The following LTB4R variants were observed in gnomAD, a reference collection of about 807,000 sequenced individuals.
The protein encoded by LTB4R is leukotriene B4 receptor.
For synonymous variants in LTB4R, 250 were observed against 230.7 expected (o/e 1.08, Z -0.76); for missense variants, 470 against 485.6 (o/e 0.97, Z 0.30).
rs752448394 is a variant in LTB4R, at chr14:24,311,646, C to T, written c.-174C>T. 3.1e-6 allele frequency: 5 copies of T among 1,613,114 alleles called. No individual in the cohort carries two copies. The highest frequency in any genetic ancestry group is 2.7e-5 in the African/African-American group (2 of 74,914). On this transcript the variant is annotated 5_prime_UTR_variant, in exon 1 of 2. The change creates a premature stop within an existing upstream ORF in the 5' untranslated region. Transcript: ENST00000345363. ...CTCTAGGGAAGGGACCATGGAGCTC[C>T]GAACTACCCCTCAGCTGAAAGTGGT...
At chr14:24,315,005 C>G (rs2041756028) in intron 1 of LTB4R, 1 of 153,240 alleles carries the variant, frequency 6.5e-6, no homozygotes, top group Non-Finnish European at 1.5e-5. Context: ...CAACCAGTTC[C>G]TGCCAAAGCT....
chr14:24,316,128 G>A lies in LTB4R; in HGVS notation c.477G>A (p.Val159=), dbSNP rs763467091. ...CCGTCCTCGCGTACCGCACAGTAGT[G>A]CCCTGGAAAACGAACATGAGCCTGT... ...ATPVLAYRTV[V]PWKTNMSLCF... Residue 159 remains valine (V), a synonymous_variant, in exon 2 of 2, where the codon GTG becomes GTA. Coordinates refer to ENST00000345363, the MANE Select transcript of LTB4R (RefSeq NM_001143919.3). 5 of 1,613,822 alleles carry A rather than the reference G, an allele frequency of 3.1e-6. No individual in the cohort carries two copies. Among genetic ancestry groups the A allele is most frequent in the Admixed American group, 3.3e-5 (2 of 60,034 alleles).
In LTB4R at chr14:24,311,506, C is replaced by G. The variant is rs1385952122; in HGVS notation, c.-314C>G. On this transcript the variant is annotated 5_prime_UTR_variant, in exon 1 of 2. Transcript: ENST00000345363. Reference sequence around the variant, plus strand: ...ACTACGGCCTTGGCCTTCTTCAGTTCTAGCGTCAACCCGGTGCTCTACGTC... The same window carrying G: ...ACTACGGCCTTGGCCTTCTTCAGTTGTAGCGTCAACCCGGTGCTCTACGTC... 5 of 1,602,464 alleles carry G rather than the reference C, an allele frequency of 3.1e-6. No homozygotes were observed. Among genetic ancestry groups the G allele is most frequent in the Non-Finnish European group, 4.2e-6 (5 of 1,179,986 alleles).
chr14:24,315,304 T>C (rs1234214547), intron 1 of LTB4R, among the ~76,000 whole-genome samples: 2 of 152,070 alleles, frequency 1.3e-5, no homozygotes, highest in African/African-American at 4.8e-5. Context: ...GCAGCATTGG[T>C]AGGAACTCTG....
In LTB4R at chr14:24,316,836, G is replaced by A. The variant is rs2041780872; in HGVS notation, c.*126G>A. Reference sequence around the variant, plus strand: ...TGGGAGCGTGGGAGGCGGGAGTGGAGTGGAAGAAGAGGGAGAGGTGGAGCA... The same window carrying A: ...TGGGAGCGTGGGAGGCGGGAGTGGAATGGAAGAAGAGGGAGAGGTGGAGCA... On this transcript the variant is annotated 3_prime_UTR_variant, in exon 2 of 2. Transcript: ENST00000345363. 5.1e-6 allele frequency: 4 copies of A among 776,820 alleles called. No homozygotes were observed. The highest frequency in any genetic ancestry group is 7.6e-6 in the Non-Finnish European group (4 of 526,880). The allele number at this position is 776,820 out of a possible 1,614,324, so 48.1% of individuals were successfully genotyped here.
chr14:24,317,285 T>C lies in LTB4R; in HGVS notation c.*575T>C, dbSNP rs1463241057. On this transcript the variant is annotated 3_prime_UTR_variant, in exon 2 of 2. Coordinates refer to ENST00000345363, the MANE Select transcript of LTB4R (RefSeq NM_001143919.3). ...TGAAGCCTGTGATAAGTCTCCTTGT[T>C]AGAATGACTCCAACTTCCTGCCAAT... The C allele has an allele frequency of 6.0e-6, 1 of 167,174 alleles. No individual in the cohort carries two copies. Among genetic ancestry groups the C allele is most frequent in the African/African-American group, 2.4e-5 (1 of 41,460 alleles). 10.4% of individuals were successfully genotyped at this position (167,174 alleles called of 1,614,324 possible).
chr14:24,311,534 C>G lies in LTB4R; in HGVS notation c.-286C>G, dbSNP rs767753372. ...GCGTCAACCCGGTGCTCTACGTCTT[C>G]ACCGCTGGAGATCTGCTGCCCCGGG... On this transcript the variant is annotated 5_prime_UTR_variant, in exon 1 of 2. Coordinates refer to ENST00000345363, the MANE Select transcript of LTB4R (RefSeq NM_001143919.3). The G allele has an allele frequency of 6.2e-7, 1 of 1,605,332 alleles. No individual in the cohort carries two copies. The highest frequency in any genetic ancestry group is 1.7e-5 in the Admixed American group (1 of 60,034).
chr14:24,315,646 A>G lies in LTB4R; in HGVS notation c.-6A>G. On this transcript the variant is annotated 5_prime_UTR_variant, in exon 2 of 2. Transcript: ENST00000345363. The stretch of plus-strand genomic sequence containing the variant: ...CGCCCTCACTCTCCAGGTCCTCCCG[A>G]CGGCCATGAACACTACATCTTCTGC... 6.2e-7 allele frequency: 1 copy of G among 1,610,646 alleles called. No homozygotes were observed. The highest frequency in any genetic ancestry group is 8.5e-7 in the Non-Finnish European group (1 of 1,177,774).
chr14:24,316,213 A>G lies in LTB4R; in HGVS notation c.562A>G (p.Thr188Ala), dbSNP rs1224424914. The G allele has an allele frequency of 6.2e-7, 1 of 1,613,608 alleles. No homozygotes were observed. The highest frequency in any genetic ancestry group is 1.3e-5 in the African/African-American group (1 of 74,954). Residue 188 changes from threonine (T) to alanine (A), a missense_variant, in exon 2 of 2, where the codon ACG (threonine) becomes GCG (alanine). Transcript: ENST00000345363. The stretch of plus-strand genomic sequence containing the variant: ...CTTCCATCTAATCTTCGAGGCTGTC[A>G]CGGGCTTCCTGCTGCCCTTCCTGGC... ...RAFHLIFEAV[T>A]GFLLPFLAVV...
In LTB4R at chr14:24,316,533, C is replaced by T. The variant is rs1451825032; in HGVS notation, c.882C>T (p.Arg294=). ...CGTGCGCCGGCGGCGGCCTGCTGCG[C>T]TCGGCGGGCGTGGGCTTCGTCGCCA... ...LYACAGGGLL[R]SAGVGFVAKL... Residue 294 remains arginine (R), a synonymous_variant, in exon 2 of 2, where the codon CGC becomes CGT. Transcript: ENST00000345363. The T allele has an allele frequency of 6.9e-7, 1 of 1,453,402 alleles. No homozygotes were observed. Among genetic ancestry groups the T allele is most frequent in the Non-Finnish European group, 9.0e-7 (1 of 1,110,236 alleles). The allele number at this position is 1,453,402 out of a possible 1,614,324, so 90.0% of individuals were successfully genotyped here. A position where few individuals can be genotyped will look rare whatever the true frequency, so the allele number is the denominator to read the frequency against.
chr14:24,313,094 A>G (rs1250954427), intron 1 of LTB4R, among the ~76,000 whole-genome samples: 2 of 152,194 alleles, frequency 1.3e-5, no homozygotes, highest in African/African-American at 4.8e-5. Context: ...AGCAGGGAGT[A>G]TGCTTAGAGT....
intron 1 of LTB4R, chr14:24,314,253 T>C (rs1594640648): frequency 1.3e-5 from 2 of 152,152 alleles, no homozygotes; most frequent in African/African-American, 4.8e-5. Context: ...AAGGAGACCA[T>C]TTGGATTTTG....
Position 24,315,623 on chromosome 14 carries a change from C to T in LTB4R, c.-15-14C>T, listed in dbSNP as rs750989647. On this transcript the variant is annotated splice_polypyrimidine_tract_variant and intron_variant, in intron 1 of 1. Transcript: ENST00000345363. The stretch of plus-strand genomic sequence containing the variant: ...TCCTCTACTCTCATGCGTGTGTCCG[C>T]CCTCACTCTCCAGGTCCTCCCGACG... 2.6e-5 allele frequency: 41 copies of T among 1,563,352 alleles called. No homozygotes were observed. Among genetic ancestry groups the T allele is most frequent in the Non-Finnish European group, 3.6e-5 (41 of 1,138,970 alleles).
chr14:24,316,309 G>T lies in LTB4R; in HGVS notation c.658G>T (p.Gly220Cys), dbSNP rs747778454. 7.5e-6 allele frequency: 12 copies of T among 1,602,062 alleles called. No individual in the cohort carries two copies. Among genetic ancestry groups the T allele is most frequent in the Non-Finnish European group, 1.0e-5 (12 of 1,175,786 alleles). Reference sequence around the variant, plus strand: ...GCGCTTCCGCCGCAGCCGCCGCACCGGCCGCCTGGTGGTGCTCATCATCCT... The same window carrying T: ...GCGCTTCCGCCGCAGCCGCCGCACCTGCCGCCTGGTGGTGCTCATCATCCT... ...ARRFRRSRRT[G>C]RLVVLIILTF... Residue 220 changes from glycine to cysteine, a missense_variant, in exon 2 of 2, where the codon GGC becomes TGC. By Grantham distance (159) the Gly-to-Cys change is radical (BLOSUM62 -3). Coordinates refer to ENST00000345363, the MANE Select transcript of LTB4R (RefSeq NM_001143919.3).
At position 24,311,599 on chromosome 14, in the gene LTB4R, G is replaced by A; in HGVS notation, c.-221G>A. The A allele has an allele frequency of 6.2e-7, 1 of 1,612,452 alleles. No homozygotes were observed. The highest frequency in any genetic ancestry group is 8.5e-7 in the Non-Finnish European group (1 of 1,180,014). On this transcript the variant is annotated 5_prime_UTR_variant, in exon 1 of 2. Transcript: ENST00000345363. ...CTCACGCGGCTCTTCGAAGGCTCTG[G>A]GGAGGCCCGAGGGGGCGGCCGCTCT... is the stretch of plus-strand genomic sequence containing the variant.
In LTB4R at chr14:24,316,304, G is replaced by A; in HGVS notation, c.653G>A (p.Arg218His). Residue 218 changes from arginine to histidine, a missense_variant, in exon 2 of 2, where the codon CGC (arginine) becomes CAC (histidine). By Grantham distance (29) the Arg-to-His change is conservative. Coordinates refer to ENST00000345363, the MANE Select transcript of LTB4R (RefSeq NM_001143919.3). ...GCCCGGCGCTTCCGCCGCAGCCGCC[G>A]CACCGGCCGCCTGGTGGTGCTCATC... Reference protein sequence around the residue: ...LQARRFRRSRRTGRLVVLIIL... With the variant: ...LQARRFRRSRHTGRLVVLIIL... The A allele has an allele frequency of 1.2e-6, 2 of 1,602,336 alleles. No homozygotes were observed. The highest frequency in any genetic ancestry group is 8.5e-7 in the Non-Finnish European group (1 of 1,175,796).
intron 1 of LTB4R, chr14:24,313,187 C>T (rs547053695): frequency 2.0e-5 from 3 of 152,320 alleles, no homozygotes; most frequent in African/African-American, 7.2e-5. Context: ...AAGGACAACC[C>T]AGTTTCTGTC....
At position 24,316,415 on chromosome 14, in the gene LTB4R, G is replaced by C; in HGVS notation, c.764G>C (p.Gly255Ala). Reference sequence around the variant, plus strand: ...CGCGCGCTGGCCGGCCAGGCCGCCGGGTTAGGGCTCGTGGGGAAGCGGCTG... The same window carrying C: ...CGCGCGCTGGCCGGCCAGGCCGCCGCGTTAGGGCTCGTGGGGAAGCGGCTG... ...AGRALAGQAA[G>A]LGLVGKRLSL... Residue 255 changes from glycine to alanine, a missense_variant, in exon 2 of 2, where the codon GGG (glycine) becomes GCG (alanine). Transcript: ENST00000345363. The C allele has an allele frequency of 6.3e-7, 1 of 1,579,590 alleles. No homozygotes were observed. Among genetic ancestry groups the C allele is most frequent in the Non-Finnish European group, 8.6e-7 (1 of 1,166,810 alleles).
chr14:24,316,411 G>A lies in LTB4R; in HGVS notation c.760G>A (p.Ala254Thr), dbSNP rs1279653816. Residue 254 changes from alanine to threonine, a missense_variant, in exon 2 of 2, where the codon GCC becomes ACC. Coordinates refer to ENST00000345363, the MANE Select transcript of LTB4R (RefSeq NM_001143919.3). ...EAGRALAGQA[A>T]GLGLVGKRLS... is the part of the protein sequence containing the mutation. Reference sequence around the variant, plus strand: ...GGGCCGCGCGCTGGCCGGCCAGGCCGCCGGGTTAGGGCTCGTGGGGAAGCG... The same window carrying A: ...GGGCCGCGCGCTGGCCGGCCAGGCCACCGGGTTAGGGCTCGTGGGGAAGCG... 2.5e-6 allele frequency: 4 copies of A among 1,577,850 alleles called. No homozygotes were observed. In the South Asian group the frequency reaches 3.4e-5, roughly 13 times the overall value.
Sources: gnomAD v4.1 joint callset for allele counts (sites outside exome capture counted in the v4.1 genomes callset) on GRCh38, gnomAD v4.1.1 for gene constraint, MANE v1.5 for transcripts, NCBI Gene and HGNC (gene_info 2026-07-23, HGNC 2026-07-21) for gene names.